Variants in TREML2 observed in about 807,000 individuals in gnomAD.
TREML2 encodes the protein trem-like transcript 2 protein.
Under a neutral mutation model 25.9 loss-of-function variants are expected in TREML2, and 24 were observed. The ratio of observed to expected loss-of-function variants is 0.93; its 90% CI spans 0.67 to 1.30. The LOEUF is 1.30. Ranked by LOEUF, TREML2 falls within the 50% of genes most tolerant of loss-of-function variation. TREML2 has a pLI of 0.00. For synonymous variants in TREML2, 139 were observed against 155.2 expected, an observed-to-expected ratio of 0.90 and a Z score of 0.77; for missense variants, 359 against 395.6, an observed-to-expected ratio of 0.91 and a Z score of 0.78.
At chr6:41,197,149 G>C (rs1008353689) in intron 2 of TREML2, among the ~76,000 whole-genome samples, 1 of 152,146 alleles carries the variant, frequency 6.6e-6, no homozygotes, top group African/African-American at 2.4e-5. Flanking sequence ...TCTGCCACTA[G>C]TGCCTACATT....
At position 41,198,379 on chromosome 6, in the gene TREML2, T is replaced by C. The variant is rs978098638; in HGVS notation, c.106A>G (p.Thr36Ala). 8 of 1,613,798 alleles carry C rather than the reference T, an allele frequency of 5.0e-6. No homozygotes were observed. The African/African-American group carries it at 1.1e-4, about 22-fold the overall frequency. The change falls in exon 2 of 5, where the codon ACT becomes GCT. Residue 36 changes from threonine (T) to alanine (A), a missense_variant. Physicochemically the swap from Thr to Ala is moderately conservative, Grantham distance 58. Transcript: ENST00000483722. ...TTATAGGAGCACTGCACAGACAGAGTCTCCCCTTCAAGGAGCCTCACTTTT... is the reference window on the plus strand; with the variant it reads ...TTATAGGAGCACTGCACAGACAGAGCCTCCCCTTCAAGGAGCCTCACTTTT... ...YTKVRLLEGE[T>A]LSVQCSYKGY...
At position 41,192,148 on chromosome 6, in the gene TREML2, T is replaced by G; in HGVS notation, c.*279A>C. 2 of 435,754 alleles carry G rather than the reference T, an allele frequency of 4.6e-6. No homozygotes were observed. Among genetic ancestry groups the G allele is most frequent in the Non-Finnish European group, 4.3e-6 (1 of 235,126 alleles). The allele number at this position is 435,754 out of a possible 1,614,324, so 27.0% of individuals were successfully genotyped here. A position where few individuals can be genotyped will look rare whatever the true frequency, so the allele number is the denominator to read the frequency against. ...CCTGCCTCCACCAAGAGCCCTGGGGTCTGCAGCTCCGAGCAGAAACCACTG... is the reference window on the plus strand; with the variant it reads ...CCTGCCTCCACCAAGAGCCCTGGGGGCTGCAGCTCCGAGCAGAAACCACTG... On this transcript the variant is annotated 3_prime_UTR_variant, in exon 5 of 5. Coordinates refer to ENST00000483722, the MANE Select transcript of TREML2 (RefSeq NM_024807.4).
intron 4 of TREML2, 142 bp downstream of exon 4, chr6:41,192,659 C>T (rs887821294): frequency 1.8e-6 from 2 of 1,133,230 alleles, no homozygotes; most frequent in African/African-American, 1.5e-5. Flanking sequence ...CCTGGCCGCC[C>T]TCCTCCCCAG....
chr6:41,195,118 C>G (rs1042839943), intron 2 of TREML2, among the ~76,000 whole-genome samples: 7 of 152,228 alleles, frequency 4.6e-5, no homozygotes, highest in Admixed American at 4.6e-4. Context: ...ATCCCCATCT[C>G]TCTCTTTTCA....
Position 41,198,483 on chromosome 6 carries a change from A to T in TREML2, c.56-54T>A, listed in dbSNP as rs1019007339. On this transcript the variant is annotated intron_variant, in intron 1 of 4. Transcript: ENST00000483722. Reference sequence around the variant, plus strand: ...TCTGGCAAGAGGAGAGGAAGAAGACATCATGAAAGTTGAAGATCATGGTGA... The same window carrying T: ...TCTGGCAAGAGGAGAGGAAGAAGACTTCATGAAAGTTGAAGATCATGGTGA... 27 of 1,521,700 alleles carry T rather than the reference A, an allele frequency of 1.8e-5. No homozygotes were observed. In the Admixed American group the frequency reaches 4.2e-4, roughly 24 times the overall value. The allele number at this position is 1,521,700 out of a possible 1,614,324, so 94.3% of individuals were successfully genotyped here.
Position 41,194,453 on chromosome 6 carries a change from TGAG to T in TREML2, c.754_756del (p.Leu252del). 6.3e-7 allele frequency: 1 copy of T among 1,592,970 alleles called. No individual in the cohort carries two copies. Among genetic ancestry groups the T allele is most frequent in the Non-Finnish European group, 8.6e-7 (1 of 1,169,446 alleles). On this transcript the variant is annotated inframe_deletion, in exon 3 of 5. Transcript: ENST00000483722. ...ATGGAGGGCATGGAGGGTAGTCTGT[TGAG>T]GAGAGATCTGCTGGTGAGGCAGAGC...
chr6:41,192,024 A>G lies in TREML2; in HGVS notation c.*403T>C. The G allele has an allele frequency of 5.1e-6, 1 of 196,738 alleles. No individual in the cohort carries two copies. The highest frequency in any genetic ancestry group is 1.1e-5 in the Non-Finnish European group (1 of 94,486). The allele number at this position is 196,738 out of a possible 1,614,324, so 12.2% of individuals were successfully genotyped here. ...GCTGAAGCAGAACGGAGGGAAGCAG[A>G]GGACACAGTGGCCCTGGTGGGGAGG... On this transcript the variant is annotated 3_prime_UTR_variant, in exon 5 of 5. Coordinates refer to ENST00000483722, the MANE Select transcript of TREML2 (RefSeq NM_024807.4).
chr6:41,192,398 G>A lies in TREML2; in HGVS notation c.*29C>T, dbSNP rs1204740683. The A allele has an allele frequency of 6.3e-7, 1 of 1,596,324 alleles. No individual in the cohort carries two copies. Among genetic ancestry groups the A allele is most frequent in the African/African-American group, 1.3e-5 (1 of 74,540 alleles). On this transcript the variant is annotated 3_prime_UTR_variant, in exon 5 of 5. Transcript: ENST00000483722. ...CTAACCCCCTGGGGCCACTCTGGGA[G>A]AAGCTCCCCACCCCATGCTTAAGTG...
In TREML2 at chr6:41,192,627, G is replaced by A. The variant is rs1766086999; in HGVS notation, c.887-121C>T. ...TGGTTCCTTCCAGGTCATCCCCTTA[G>A]GGTTGTGCTGGGTGGTCTCCGCCTG... On this transcript the variant is annotated intron_variant, in intron 4 of 4. Transcript: ENST00000483722. 7.6e-6 allele frequency: 9 copies of A among 1,185,618 alleles called. No individual in the cohort carries two copies. The Admixed American group carries it at 1.8e-4, about 24-fold the overall frequency. 73.4% of individuals were successfully genotyped at this position (1,185,618 alleles called of 1,614,324 possible). A position where few individuals can be genotyped will look rare whatever the true frequency, so the allele number is the denominator to read the frequency against.
Position 41,196,616 on chromosome 6 carries a change from T to C in TREML2, c.376+1493A>G, listed in dbSNP as rs548263054. ...GTTCTTTATTATGCTTACAAAGTTA[T>C]GCAACCATCATCACAGTGAGTTTCA... On this transcript the variant is annotated intron_variant, in intron 2 of 4. Transcript: ENST00000483722. Among the ~76,000 whole-genome samples the C allele has an allele frequency of 5.9e-5, 9 of 152,358 alleles. No individual in the cohort carries two copies. The South Asian group carries it at 1.9e-3, about 32-fold the overall frequency.
chr6:41,195,145 C>T (rs142613078), intron 2 of TREML2, among the ~76,000 whole-genome samples: 2 of 152,304 alleles, frequency 1.3e-5, no homozygotes, highest in East Asian at 1.9e-4. Flanking sequence ...AGGCCCTCTT[C>T]GTTCCTATGG....
intron 1 of TREML2, among the ~76,000 whole-genome samples, chr6:41,200,195 T>A (rs1766250877): frequency 1.3e-5 from 2 of 152,200 alleles, no homozygotes; most frequent in African/African-American, 4.8e-5. Flanking sequence ...AACAGAATGA[T>A]CCAACTTCAT....
At position 41,190,190 on chromosome 6, in the gene TREML2, G is replaced by T. The variant is rs1766026550; in HGVS notation, c.*2237C>A. On this transcript the variant is annotated 3_prime_UTR_variant, in exon 5 of 5. Coordinates refer to ENST00000483722, the MANE Select transcript of TREML2 (RefSeq NM_024807.4). The stretch of plus-strand genomic sequence containing the variant: ...GAGAACCCACCCTAACTGCCTGCCT[G>T]ACTGGTTTCTTCCTTTCTCCTCTCT... The T allele has an allele frequency of 6.6e-6, 1 of 151,788 alleles. No homozygotes were observed. The highest frequency in any genetic ancestry group is 2.4e-5 in the African/African-American group (1 of 41,310). The allele number at this position is 151,788 out of a possible 1,614,324, so 9.4% of individuals were successfully genotyped here. A position where few individuals can be genotyped will look rare whatever the true frequency, so the allele number is the denominator to read the frequency against.
chr6:41,196,477 C>G (rs1766167266), intron 2 of TREML2, among the ~76,000 whole-genome samples: 1 of 152,168 alleles, frequency 6.6e-6, no homozygotes, highest in Admixed American at 6.5e-5. Flanking sequence ...GACCCCACGG[C>G]TTGGTGCTCC....
In TREML2 at chr6:41,192,390, C is replaced by T. The variant is rs747582567; in HGVS notation, c.*37G>A. 1.3e-6 allele frequency: 2 copies of T among 1,574,974 alleles called. No homozygotes were observed. Among genetic ancestry groups the T allele is most frequent in the Non-Finnish European group, 8.7e-7 (1 of 1,146,134 alleles). ...CCCCTCCTCTAACCCCCTGGGGCCA[C>T]TCTGGGAGAAGCTCCCCACCCCATG... On this transcript the variant is annotated 3_prime_UTR_variant, in exon 5 of 5. Coordinates refer to ENST00000483722, the MANE Select transcript of TREML2 (RefSeq NM_024807.4).
chr6:41,193,544 T>A (rs1368339636), intron 3 of TREML2, among the ~76,000 whole-genome samples: 1 of 152,064 alleles, frequency 6.6e-6, no homozygotes, highest in Non-Finnish European at 1.5e-5. Context: ...GGTTAAGTAC[T>A]CTTTATTAGA....
In TREML2 at chr6:41,190,595, T is replaced by G. The variant is rs1377337161; in HGVS notation, c.*1832A>C. 6.6e-6 allele frequency: 1 copy of G among 152,228 alleles called. No homozygotes were observed. Among genetic ancestry groups the G allele is most frequent in the East Asian group, 1.9e-4 (1 of 5,198 alleles). 9.4% of individuals were successfully genotyped at this position (152,228 alleles called of 1,614,324 possible). A position where few individuals can be genotyped will look rare whatever the true frequency, so the allele number is the denominator to read the frequency against. On this transcript the variant is annotated 3_prime_UTR_variant, in exon 5 of 5. Coordinates refer to ENST00000483722, the MANE Select transcript of TREML2 (RefSeq NM_024807.4). ...AAAATGAGGCCAAGGGTTAGTGACTTGCTGAGGGTCACACAGTGACAGAGT... is the reference window on the plus strand; with the variant it reads ...AAAATGAGGCCAAGGGTTAGTGACTGGCTGAGGGTCACACAGTGACAGAGT...
chr6:41,191,712 C>T lies in TREML2; in HGVS notation c.*715G>A, dbSNP rs1766065892. 6.6e-6 allele frequency: 1 copy of T among 152,538 alleles called. No individual in the cohort carries two copies. Among genetic ancestry groups the T allele is most frequent in the Admixed American group, 6.5e-5 (1 of 15,290 alleles). 9.4% of individuals were successfully genotyped at this position (152,538 alleles called of 1,614,324 possible). ...CTTGGGAGAGGCTGACCCTGCAGCC[C>T]AGAGGCTCTTAGCTGCCTGGTCACA... On this transcript the variant is annotated 3_prime_UTR_variant, in exon 5 of 5. Coordinates refer to ENST00000483722, the MANE Select transcript of TREML2 (RefSeq NM_024807.4).
chr6:41,194,800 T>A lies in TREML2; in HGVS notation c.410A>T (p.His137Leu), dbSNP rs972718952. Residue 137 changes from histidine (H) to leucine (L), a missense_variant, in exon 3 of 5, where the codon CAT (histidine) becomes CTT (leucine). His to Leu is a moderately conservative substitution (Grantham distance 99). Coordinates refer to ENST00000483722, the MANE Select transcript of TREML2 (RefSeq NM_024807.4). ...TCCACTCTTGAGGATGTTGTCCAGA[T>A]GTGTGAAAGGAATGTTCCTCTCAGT... ...PQTERNIPFT[H>L]LDNILKSGTV... 14 of 1,589,752 alleles carry A rather than the reference T, an allele frequency of 8.8e-6. No individual in the cohort carries two copies. Among genetic ancestry groups the A allele is most frequent in the Non-Finnish European group, 1.2e-5 (14 of 1,167,236 alleles).
Sources: allele counts gnomAD v4.1 joint callset (sites outside exome capture counted in the v4.1 genomes callset), GRCh38; gene constraint gnomAD v4.1.1; transcripts MANE v1.5; gene names NCBI Gene and HGNC (gene_info 2026-07-23, HGNC 2026-07-21).